The following TIMD4 variants were observed in gnomAD, a reference collection of about 807,000 sequenced individuals.
TIMD4 encodes T cell immunoglobulin and mucin domain containing 4.
Under a neutral mutation model 41.2 loss-of-function variants are expected in TIMD4, and 31 were observed. That is an observed-to-expected ratio of 0.75 (90% CI 0.57 to 1.01). The LOEUF is 1.01. Ranked by LOEUF, TIMD4 falls within the 50% of genes least tolerant of loss-of-function variation. The probability of loss-of-function intolerance (pLI) is 0.00; values close to 1 mark genes in which losing one functional copy is unlikely to be tolerated. For missense variants in TIMD4, 479 were observed against 472.5 expected (o/e 1.01, Z -0.13); for synonymous variants, 204 against 177.1 (o/e 1.15, Z -1.21).
chr5:156,931,835 G>C (rs563494094), intron 5 of TIMD4, among the ~76,000 whole-genome samples: 1 of 152,014 alleles, frequency 6.6e-6, no homozygotes, highest in East Asian at 1.9e-4. Context: ...CTGGCTATGC[G>C]ACCTTGGCTA....
At chr5:156,940,246 A>G (rs13179576) in intron 5 of TIMD4, among the ~76,000 whole-genome samples, 42,910 of 152,140 alleles carry the variant, frequency 0.28, 6,296 homozygotes, top group Admixed American at 0.35. Flanking sequence ...ACGGAGTCTC[A>G]CTTACACAGT....
intron 6 of TIMD4, chr5:156,924,092 C>G: frequency 8.9e-6 from 2 of 224,172 alleles, no homozygotes; most frequent in Non-Finnish European, 1.8e-5. Context: ...TTAAAAAGAC[C>G]TTGTGAAAGT....
At chr5:156,944,643 T>C (rs964075711) in intron 5 of TIMD4, among the ~76,000 whole-genome samples, 17 of 151,958 alleles carry the variant, frequency 1.1e-4, no homozygotes, top group African/African-American at 3.9e-4. Context: ...TAGCTGGGAC[T>C]ACAGGTGCCC....
chr5:156,949,735 G>A lies in TIMD4; in HGVS notation c.680-4C>T. 1 of 1,609,208 alleles carries A rather than the reference G, an allele frequency of 6.2e-7. No individual in the cohort carries two copies. Among genetic ancestry groups the A allele is most frequent in the South Asian group, 1.1e-5 (1 of 90,900 alleles). ...CTGGGGAGGACAGTTTCTGATTCTG[G>A]AAGAGAAAAAAGTTGGATAAAAGGC... On this transcript the variant is annotated splice_polypyrimidine_tract_variant and splice_region_variant and intron_variant, in intron 3 of 8. Coordinates refer to ENST00000274532, the MANE Select transcript of TIMD4 (RefSeq NM_138379.3).
intron 5 of TIMD4, among the ~76,000 whole-genome samples, chr5:156,943,791 C>T (rs531141492): frequency 1.3e-5 from 2 of 152,024 alleles, no homozygotes; most frequent in Non-Finnish European, 2.9e-5. Context: ...GAGGCTCACA[C>T]CTGTAATCCC....
intron 5 of TIMD4, among the ~76,000 whole-genome samples, chr5:156,931,889 A>T (rs1759450079): frequency 2.0e-5 from 3 of 151,896 alleles, no homozygotes; most frequent in Admixed American, 2.0e-4. Flanking sequence ...ATCTGAAAAT[A>T]TTAATATTTC....
intron 5 of TIMD4, among the ~76,000 whole-genome samples, chr5:156,947,759 G>T (rs1759771290): frequency 6.6e-6 from 1 of 152,138 alleles, no homozygotes; most frequent in African/African-American, 2.4e-5. Flanking sequence ...AGACACATAA[G>T]GGAATGGAAA....
chr5:156,951,624 G>A lies in TIMD4; in HGVS notation c.567C>T (p.Ala189=), dbSNP rs1436131779. 7 of 1,614,046 alleles carry A rather than the reference G, an allele frequency of 4.3e-6. No individual in the cohort carries two copies. The highest frequency in any genetic ancestry group is 5.9e-6 in the Non-Finnish European group (7 of 1,180,034). Residue 189 remains alanine (A), a synonymous_variant, in exon 3 of 9, where the codon GCC becomes GCT. Coordinates refer to ENST00000274532, the MANE Select transcript of TIMD4 (RefSeq NM_138379.3). ...TGTPLQMTTI[A]VFTTANTCLS... ...GGCACGTGTTTGCTGTTGTGAAGAC[G>A]GCAATGGTTGTCATCTGGAGTGGTG... is the stretch of plus-strand genomic sequence containing the variant.
chr5:156,920,206 T>C (rs1033478277), intron 8 of TIMD4, among the ~76,000 whole-genome samples: 1 of 152,206 alleles, frequency 6.6e-6, no homozygotes, highest in African/African-American at 2.4e-5. Flanking sequence ...TAAAGTGCCA[T>C]ATCACCTTCT....
chr5:156,925,245 G>A (rs529127524), intron 6 of TIMD4, among the ~76,000 whole-genome samples: 1 of 152,376 alleles, frequency 6.6e-6, no homozygotes, highest in South Asian at 2.1e-4. Context: ...AGGAGGCAGA[G>A]GTTGCGGTGA....
rs200211941 is a variant in TIMD4 at position 156,951,723 on chromosome 5, G to A, written c.468C>T (p.Thr156=). The change falls in exon 3 of 9, where the codon ACC becomes ACT. Residue 156 remains threonine (T), a synonymous_variant. Coordinates refer to ENST00000274532, the MANE Select transcript of TIMD4 (RefSeq NM_138379.3). ...CTGGGGTTGTTGTCATTTGTCGGGT[G>A]GTGGTGGGGCTTGTTGTTGTTGTTC... ...TRRTTTTSPT[T]TRQMTTTPAA... The A allele has an allele frequency of 1.2e-6, 2 of 1,614,112 alleles. No homozygotes were observed. Among genetic ancestry groups the A allele is most frequent in the Non-Finnish European group, 1.7e-6 (2 of 1,180,038 alleles).
intron 5 of TIMD4, among the ~76,000 whole-genome samples, chr5:156,931,024 GAGA>G (rs1293512316): frequency 6.6e-6 from 1 of 152,188 alleles, no homozygotes; most frequent in Non-Finnish European, 1.5e-5. Flanking sequence ...AAGAAAGTTA[GAGA>G]AGAAGTCAGA....
chr5:156,950,319 G>A (rs1759829534), intron 3 of TIMD4, among the ~76,000 whole-genome samples: 1 of 152,020 alleles, frequency 6.6e-6, no homozygotes, highest in South Asian at 2.1e-4. Flanking sequence ...TTTCTTCAAG[G>A]ATTGCAAGTA....
At chr5:156,945,080 C>A (rs575924136) in intron 5 of TIMD4, among the ~76,000 whole-genome samples, 1 of 152,212 alleles carries the variant, frequency 6.6e-6, no homozygotes, top group Non-Finnish European at 1.5e-5. Flanking sequence ...AAAGAAAAAC[C>A]CACAGAAGCC....
chr5:156,951,467 A>G (rs1483802363), intron 3 of TIMD4, 45 bp downstream of exon 3: 2 of 1,605,200 alleles, frequency 1.2e-6, no homozygotes, highest in Non-Finnish European at 1.7e-6. Context: ...TGCCTCATTC[A>G]GTGAGACAGC....
rs187096630 is a variant in TIMD4 at position 156,945,031 on chromosome 5, T to C, written c.844+3385A>G. On this transcript the variant is annotated intron_variant, in intron 5 of 8. Transcript: ENST00000274532. ...AGAAGCTTTGCCATCGAAAATTACA[T>C]GAAAAAATGGAGAGGGAATTGTGGA... is the stretch of plus-strand genomic sequence containing the variant. Among the ~76,000 whole-genome samples the C allele has an allele frequency of 4.8e-3, 736 of 152,178 alleles. 3 individuals are homozygous for C. The highest frequency in any genetic ancestry group is 8.2e-3 in the Non-Finnish European group (558 of 67,994).
chr5:156,942,810 T>C (rs952728599), intron 5 of TIMD4, among the ~76,000 whole-genome samples: 4 of 152,158 alleles, frequency 2.6e-5, no homozygotes, highest in South Asian at 2.1e-4. Flanking sequence ...GCCTAAATTA[T>C]AGAGTGGAGC....
intron 7 of TIMD4, among the ~76,000 whole-genome samples, chr5:156,921,616 CAAAAAAAAAAAAAAA>C (rs66842169): frequency 2.1e-5 from 1 of 47,252 alleles, no homozygotes; most frequent in Non-Finnish European, 4.0e-5. Flanking sequence ...GAGACTCTCT[CAAAAAAAAAAAAAAA>C]AAAAAAAAAA....
intron 6 of TIMD4, among the ~76,000 whole-genome samples, chr5:156,923,454 A>C (rs914836094): frequency 6.6e-6 from 1 of 151,906 alleles, no homozygotes; most frequent in African/African-American, 2.4e-5. Flanking sequence ...CGGCCTAAAA[A>C]AATTTTTTAA....
Sources: gnomAD v4.1 joint callset for allele counts (sites outside exome capture counted in the v4.1 genomes callset) on GRCh38, gnomAD v4.1.1 for gene constraint, MANE v1.5 for transcripts, NCBI Gene and HGNC (gene_info 2026-07-23, HGNC 2026-07-21) for gene names.